PTPRD: variants seen among roughly 807,000 people sequenced by gnomAD.
PTPRD encodes the protein receptor-type tyrosine-protein phosphatase delta.
In PTPRD, 34 loss-of-function variants were observed where a neutral mutation model predicts 214.5. The ratio of observed to expected loss-of-function variants is 0.16; its 90% CI spans 0.12 to 0.21. The LOEUF is 0.21. PTPRD is among the 10% of genes least tolerant of loss of function. The pLI is 1.00. For synonymous variants in PTPRD, 1,128 were observed against 845.7 expected (o/e 1.33, Z -5.79); for missense variants, 2,545 against 2,398.7 (o/e 1.06, Z -1.27).
chr9:10,508,323 T>A (rs1035907153), intron 2 of PTPRD, among the ~76,000 whole-genome samples: 16 of 152,006 alleles, frequency 1.1e-4, no homozygotes, highest in Admixed American at 2.0e-4. Flanking sequence ...TGTGGAGAAA[T>A]AGGAACACTT....
chr9:9,246,886 T>A (rs999440303), intron 9 of PTPRD, among the ~76,000 whole-genome samples: 1 of 152,016 alleles, frequency 6.6e-6, no homozygotes, highest in African/African-American at 2.4e-5. Flanking sequence ...TATGGCACTT[T>A]GGCATGCTGA....
intron 5 of PTPRD, among the ~76,000 whole-genome samples, chr9:9,923,666 G>T (rs1378104830): frequency 2.0e-5 from 3 of 151,930 alleles, no homozygotes; most frequent in Non-Finnish European, 4.4e-5. Flanking sequence ...TCATAATTGT[G>T]AGCAAGAATA....
intron 10 of PTPRD, among the ~76,000 whole-genome samples, chr9:9,056,928 A>G (rs998518723): frequency 6.6e-6 from 1 of 152,220 alleles, no homozygotes; most frequent in African/African-American, 2.4e-5. Flanking sequence ...TTTTTCAGAA[A>G]GTTCTCTGTG....
intron 21 of PTPRD, among the ~76,000 whole-genome samples, chr9:8,513,806 T>C (rs1334088963): frequency 6.6e-6 from 1 of 152,110 alleles, no homozygotes; most frequent in Non-Finnish European, 1.5e-5. Context: ...ACTGGCCTTT[T>C]TAATTAAGCC....
intron 11 of PTPRD, among the ~76,000 whole-genome samples, chr9:8,919,308 G>A (rs996972466): frequency 1.2e-4 from 18 of 150,842 alleles, no homozygotes; most frequent in African/African-American, 4.1e-4. Flanking sequence ...CAGGAGAATC[G>A]CTTGAACCTG....
chr9:8,494,560 G>A (rs985564547), intron 26 of PTPRD, among the ~76,000 whole-genome samples: 3 of 152,184 alleles, frequency 2.0e-5, no homozygotes, highest in African/African-American at 7.2e-5. Context: ...ACATGCCACT[G>A]GAGTACTGCT....
intron 35 of PTPRD, among the ~76,000 whole-genome samples, chr9:8,406,803 A>G (rs76854939): frequency 0.17 from 26,159 of 152,168 alleles, 2,663 homozygotes; most frequent in Non-Finnish European, 0.23. Context: ...GTGATTAAGT[A>G]TGTGATCATG....
chr9:9,942,334 C>G (rs1325538223), intron 4 of PTPRD, among the ~76,000 whole-genome samples: 1 of 152,058 alleles, frequency 6.6e-6, no homozygotes, highest in Non-Finnish European at 1.5e-5. Flanking sequence ...GCATCTTCAT[C>G]ATCTTCATTA....
At chr9:9,267,537 C>T (rs1363292085) in intron 9 of PTPRD, among the ~76,000 whole-genome samples, 2 of 151,078 alleles carry the variant, frequency 1.3e-5, no homozygotes, top group East Asian at 2.0e-4. Context: ...ACTCATGAGG[C>T]CAGTATTCCC....
chr9:9,416,987 A>AGCTTATGTAT (rs1274980422), intron 8 of PTPRD, among the ~76,000 whole-genome samples: 2 of 152,178 alleles, frequency 1.3e-5, no homozygotes, highest in Admixed American at 1.3e-4. Flanking sequence ...TTCTACTAAC[A>AGCTTATGTAT]GCTTATGTAT....
chr9:9,192,818 G>A (rs960601058), intron 9 of PTPRD, among the ~76,000 whole-genome samples: 19 of 152,068 alleles, frequency 1.2e-4, no homozygotes, highest in African/African-American at 4.3e-4. Flanking sequence ...AAAATCAACT[G>A]TTAATAAATA....
At chr9:9,238,326 G>A (rs961609059) in intron 9 of PTPRD, among the ~76,000 whole-genome samples, 1 of 152,076 alleles carries the variant, frequency 6.6e-6, no homozygotes, top group Non-Finnish European at 1.5e-5. Flanking sequence ...GTTTGCAGTG[G>A]CTGACAAGTC....
rs117966763 is a variant in PTPRD, at chr9:9,001,334, G to A, written c.-104+17363C>T. ...ATTTGTGAATTAAATATTACTTTTC[G>A]TCTTGTATGGATCAGGGAACCAAGA... On this transcript the variant is annotated intron_variant, in intron 11 of 45. Coordinates refer to ENST00000381196, the MANE Select transcript of PTPRD (RefSeq NM_002839.4). 2.3e-3 allele frequency among the ~76,000 whole-genome samples: 343 copies of A among 152,000 alleles called. 7 individuals are homozygous for A. The East Asian group carries it at 0.037, about 16-fold the overall frequency.
At chr9:8,599,567 G>A (rs2094689835) in intron 14 of PTPRD, among the ~76,000 whole-genome samples, 1 of 147,150 alleles carries the variant, frequency 6.8e-6, no homozygotes, top group Admixed American at 6.8e-5. Flanking sequence ...GGGAACGCAA[G>A]ATGGATGAGG....
chr9:8,472,615 C>T (rs1219710700), intron 30 of PTPRD, among the ~76,000 whole-genome samples: 1 of 152,038 alleles, frequency 6.6e-6, no homozygotes, highest in Non-Finnish European at 1.5e-5. Flanking sequence ...TATTGCATTT[C>T]AAAGACTTAG....
At chr9:9,315,970 A>T (rs992646902) in intron 9 of PTPRD, among the ~76,000 whole-genome samples, 3 of 151,468 alleles carry the variant, frequency 2.0e-5, no homozygotes, top group African/African-American at 4.8e-5. Context: ...TGCCCATGTG[A>T]ATCTTTTAGA....
At chr9:10,232,311 C>G (rs2099614290) in intron 3 of PTPRD, among the ~76,000 whole-genome samples, 1 of 151,818 alleles carries the variant, frequency 6.6e-6, no homozygotes, top group Non-Finnish European at 1.5e-5. Context: ...TGAAATGATC[C>G]ACTAATCCAG....
chr9:8,669,766 G>C (rs2097243564), intron 12 of PTPRD, among the ~76,000 whole-genome samples: 1 of 152,188 alleles, frequency 6.6e-6, no homozygotes, highest in Non-Finnish European at 1.5e-5. Context: ...GGGTCACCTG[G>C]AATGCCAGTT....
At chr9:8,767,883 T>C (rs2094885861) in intron 11 of PTPRD, among the ~76,000 whole-genome samples, 1 of 152,140 alleles carries the variant, frequency 6.6e-6, no homozygotes. Context: ...GACCCACTGC[T>C]GTGTATGGGA....
Sources: allele counts gnomAD v4.1 joint callset (sites outside exome capture counted in the v4.1 genomes callset), GRCh38; gene constraint gnomAD v4.1.1; transcripts MANE v1.5; gene names NCBI Gene and HGNC (gene_info 2026-07-23, HGNC 2026-07-21).